TRPM3: variants seen among roughly 807,000 people sequenced by gnomAD.
TRPM3 encodes the protein long transient receptor potential channel 3.
Under a neutral mutation model 181.2 loss-of-function variants are expected in TRPM3, and 77 were observed. The ratio of observed to expected loss-of-function variants is 0.42; its 90% CI spans 0.35 to 0.51. The LOEUF is 0.51. TRPM3 is among the 20% of genes least tolerant of loss of function. The probability of loss-of-function intolerance (pLI) is 0.01; values close to 1 mark genes in which losing one functional copy is unlikely to be tolerated. For missense variants in TRPM3, 1,759 were observed against 2,196.7 expected (o/e 0.80, Z 3.98); for synonymous variants, 745 against 796.4 (o/e 0.94, Z 1.09).
At chr9:70,597,229 G>A (rs536021501) in intron 21 of TRPM3, among the ~76,000 whole-genome samples, 8 of 152,056 alleles carry the variant, frequency 5.3e-5, no homozygotes, top group East Asian at 1.9e-4. Flanking sequence ...CACCATGCCC[G>A]GCCCTAATTT....
intron 1 of TRPM3, among the ~76,000 whole-genome samples, chr9:71,329,712 C>G (rs1359138026): frequency 6.6e-6 from 1 of 152,134 alleles, no homozygotes; most frequent in Non-Finnish European, 1.5e-5. Flanking sequence ...AGTTCTCCTC[C>G]TCTATATTCT....
intron 1 of TRPM3, among the ~76,000 whole-genome samples, chr9:71,424,076 C>T (rs532218822): frequency 1.3e-5 from 2 of 152,230 alleles, no homozygotes; most frequent in East Asian, 3.9e-4. Flanking sequence ...CCACCCAAAG[C>T]TCAAATCATT....
chr9:71,389,610 A>T (rs564341033), intron 1 of TRPM3, among the ~76,000 whole-genome samples: 1 of 152,264 alleles, frequency 6.6e-6, no homozygotes, highest in African/African-American at 2.4e-5. Context: ...AAGTGGATAA[A>T]TAAACTGTGG....
chr9:71,169,692 C>A (rs553909560), intron 1 of TRPM3, among the ~76,000 whole-genome samples: 1 of 151,968 alleles, frequency 6.6e-6, no homozygotes, highest in South Asian at 2.1e-4. Context: ...CGGTGTCTCA[C>A]GCCTGTAATC....
chr9:71,112,082 G>C (rs1309570582), intron 1 of TRPM3, among the ~76,000 whole-genome samples: 1 of 152,056 alleles, frequency 6.6e-6, no homozygotes, highest in Non-Finnish European at 1.5e-5. Flanking sequence ...ATTTCAGTTG[G>C]GTAGAGCCTA....
At chr9:71,396,477 C>A (rs993211298) in intron 1 of TRPM3, among the ~76,000 whole-genome samples, 2 of 151,974 alleles carry the variant, frequency 1.3e-5, no homozygotes, top group African/African-American at 4.8e-5. Context: ...TCATTTTAAA[C>A]GATGGGTTCA....
intron 1 of TRPM3, among the ~76,000 whole-genome samples, chr9:71,211,236 T>G (rs2079478517): frequency 6.6e-6 from 1 of 152,220 alleles, no homozygotes; most frequent in African/African-American, 2.4e-5. Flanking sequence ...TCTCTAAGCC[T>G]TGACTGTTTC....
At chr9:70,626,205 TAAG>T (rs1398205306) in intron 12 of TRPM3, among the ~76,000 whole-genome samples, 4 of 152,206 alleles carry the variant, frequency 2.6e-5, no homozygotes, top group Non-Finnish European at 5.9e-5. Context: ...TTTAGGTTCT[TAAG>T]AAAATTTTTG....
intron 1 of TRPM3, among the ~76,000 whole-genome samples, chr9:70,962,530 A>T (rs2097146739): frequency 6.6e-6 from 1 of 152,102 alleles, no homozygotes; most frequent in South Asian, 2.1e-4. Flanking sequence ...TATGGTAAGG[A>T]CGGAATGAGA....
At chr9:70,636,692 C>CTT (rs11380206) in intron 11 of TRPM3, among the ~76,000 whole-genome samples, 2,140 of 135,110 alleles carry the variant, frequency 0.016, 38 homozygotes, top group African/African-American at 0.048. Flanking sequence ...ATAGTGATGG[C>CTT]TTTTTTTTTT....
In TRPM3 at chr9:70,595,147, C is replaced by T. The variant is rs183691304; in HGVS notation, c.3048+3272G>A. ...ATTATGCCATTATTAAGATGATAGA[C>T]GTGGATTTTAAAATAATCTCGCTGC... is the stretch of plus-strand genomic sequence containing the variant. On this transcript the variant is annotated intron_variant, in intron 21 of 25. Coordinates refer to ENST00000677713, the MANE Select transcript of TRPM3 (RefSeq NM_001366145.2). Among the ~76,000 whole-genome samples the T allele has an allele frequency of 5.3e-5, 8 of 152,212 alleles. No homozygotes were observed. The East Asian group carries it at 1.2e-3, about 22-fold the overall frequency.
intron 1 of TRPM3, among the ~76,000 whole-genome samples, chr9:71,201,813 C>A (rs574419292): frequency 6.6e-6 from 1 of 152,182 alleles, no homozygotes; most frequent in South Asian, 2.1e-4. Flanking sequence ...TTGTCTGAAG[C>A]CTTCTTCTCT....
intron 6 of TRPM3, among the ~76,000 whole-genome samples, chr9:70,791,463 A>C (rs2085388164): frequency 6.6e-6 from 1 of 152,232 alleles, no homozygotes; most frequent in African/African-American, 2.4e-5. Context: ...GGGACTAAGC[A>C]AGGGTAAAAA....
At chr9:71,423,893 AT>A (rs932360638) in intron 1 of TRPM3, among the ~76,000 whole-genome samples, 7 of 151,916 alleles carry the variant, frequency 4.6e-5, no homozygotes, top group African/African-American at 1.7e-4. Context: ...CAACTAACCT[AT>A]TTTTTTCATC....
At chr9:70,650,442 TC>T (rs2059459530) in intron 9 of TRPM3, among the ~76,000 whole-genome samples, 1 of 152,236 alleles carries the variant, frequency 6.6e-6, no homozygotes, top group South Asian at 2.1e-4. Context: ...TTTATTAGGA[TC>T]TTTCTGGGCA....
intron 9 of TRPM3, among the ~76,000 whole-genome samples, chr9:70,651,817 A>G (rs868235514): frequency 6.6e-6 from 1 of 152,070 alleles, no homozygotes; most frequent in Non-Finnish European, 1.5e-5. Flanking sequence ...GAAGAGAAGG[A>G]TGAGTTAGGT....
At chr9:71,157,257 C>G (rs1587695311) in intron 1 of TRPM3, among the ~76,000 whole-genome samples, 1 of 151,998 alleles carries the variant, frequency 6.6e-6, no homozygotes, top group African/African-American at 2.4e-5. Flanking sequence ...GTTCTGAAGG[C>G]AAAGAATATT....
At chr9:71,379,640 TCA>T (rs1336388313) in intron 1 of TRPM3, among the ~76,000 whole-genome samples, 2 of 152,042 alleles carry the variant, frequency 1.3e-5, no homozygotes, top group Non-Finnish European at 2.9e-5. Context: ...AGGATGACTC[TCA>T]AACACTCACA....
intron 1 of TRPM3, among the ~76,000 whole-genome samples, chr9:71,134,014 T>TGTGTGTGCGCGC (rs1554832860): frequency 7.1e-5 from 10 of 139,950 alleles, no homozygotes; most frequent in Non-Finnish European, 7.9e-5. Flanking sequence ...TGTGTGTGTG[T>TGTGTGTGCGCGC]GCGCGTGCGC....
Sources: allele counts gnomAD v4.1 joint callset (sites outside exome capture counted in the v4.1 genomes callset), GRCh38; gene constraint gnomAD v4.1.1; transcripts MANE v1.5; gene names NCBI Gene and HGNC (gene_info 2026-07-23, HGNC 2026-07-21).